REEP1: variants seen among roughly 807,000 people sequenced by gnomAD.
REEP1 encodes the protein receptor expression-enhancing protein 1.
REEP1 carries 22 observed loss-of-function variants against 40.3 expected under a neutral mutation model. The observed-to-expected ratio is 0.55, with a 90% CI of 0.39 to 0.78. The LOEUF is 0.78. Among genes scored for constraint, REEP1 ranks in the 30% least tolerant of loss-of-function variants. The pLI is 0.00. For missense variants in REEP1, 280 were observed against 361.1 expected (o/e 0.78, Z 1.82); for synonymous variants, 116 against 139.2 (o/e 0.83, Z 1.17).
intron 1 of REEP1, among the ~76,000 whole-genome samples, chr2:86,327,854 A>C (rs1463945323): frequency 2.0e-5 from 3 of 152,164 alleles, no homozygotes; most frequent in Non-Finnish European, 4.4e-5. Context: ...GGCATGAGCC[A>C]CCGTGCCTGG....
At chr2:86,239,386 C>T (rs936900654) in intron 5 of REEP1, among the ~76,000 whole-genome samples, 4 of 152,220 alleles carry the variant, frequency 2.6e-5, no homozygotes, top group South Asian at 2.1e-4. Context: ...CAGCAAAGCA[C>T]GAAGTTTAGC....
intron 1 of REEP1, among the ~76,000 whole-genome samples, chr2:86,308,476 G>A (rs762545310): frequency 5.9e-4 from 90 of 152,194 alleles, no homozygotes; most frequent in Non-Finnish European, 1.0e-3. Flanking sequence ...GATCGCTTGA[G>A]CATGGCAGGC....
intron 1 of REEP1, among the ~76,000 whole-genome samples, chr2:86,315,352 C>T (rs1476655376): frequency 3.3e-5 from 5 of 152,214 alleles, no homozygotes; most frequent in Non-Finnish European, 7.4e-5. Flanking sequence ...CTGGCTCCAG[C>T]CCCTGGCTTG....
intron 1 of REEP1, among the ~76,000 whole-genome samples, chr2:86,329,224 G>A (rs1680648698): frequency 1.3e-5 from 2 of 152,172 alleles, no homozygotes; most frequent in Admixed American, 1.3e-4. Context: ...GGAGTTTGGG[G>A]TTTTTATGGA....
intron 5 of REEP1, among the ~76,000 whole-genome samples, chr2:86,234,543 T>A (rs1363392756): frequency 6.6e-6 from 1 of 151,796 alleles, no homozygotes; most frequent in East Asian, 1.9e-4. Context: ...AAGAAAGAAG[T>A]GCCAGACTAA....
At chr2:86,220,442 T>C (rs1447873389) in intron 7 of REEP1, among the ~76,000 whole-genome samples, 1 of 152,190 alleles carries the variant, frequency 6.6e-6, no homozygotes, top group Non-Finnish European at 1.5e-5. Flanking sequence ...GAAGCGGCTT[T>C]AACTGAGACA....
intron 1 of REEP1, among the ~76,000 whole-genome samples, chr2:86,324,150 A>G (rs557059911): frequency 6.6e-6 from 1 of 152,022 alleles, no homozygotes; most frequent in Non-Finnish European, 1.5e-5. Context: ...GAAAAAAAAA[A>G]TGCTGTCTAT....
At chr2:86,296,193 G>T (rs997638684) in intron 1 of REEP1, among the ~76,000 whole-genome samples, 1 of 152,216 alleles carries the variant, frequency 6.6e-6, no homozygotes, top group Non-Finnish European at 1.5e-5. Context: ...AAAGTTACCA[G>T]TATAGCACTC....
At chr2:86,290,611 C>G (rs1224524907) in intron 1 of REEP1, among the ~76,000 whole-genome samples, 1 of 152,196 alleles carries the variant, frequency 6.6e-6, no homozygotes, top group African/African-American at 2.4e-5. Context: ...GCAAAACAAG[C>G]CTTCCCAAAA....
At chr2:86,219,414 CTAGATACTTTACCACTCTCCTA>C (rs1674294974) in intron 8 of REEP1, among the ~76,000 whole-genome samples, 1 of 151,558 alleles carries the variant, frequency 6.6e-6, no homozygotes, top group Admixed American at 6.6e-5. Flanking sequence ...CAATAAAGAC[CTAGATACTTTACCACTCTCCTA>C]TTTGTTTTTC....
intron 1 of REEP1, among the ~76,000 whole-genome samples, chr2:86,299,510 A>G: frequency 6.6e-6 from 1 of 152,178 alleles, no homozygotes; most frequent in Non-Finnish European, 1.5e-5. Flanking sequence ...TGAGCTCCTT[A>G]GAACAAGGGT....
At position 86,233,068 on chromosome 2, in the gene REEP1, A is replaced by G. The variant is rs147865753; in HGVS notation, c.418-266T>C. ...CAGACACCACTATGATGATACGATG[A>G]TACGATGATGATCCGGAGCCTCAGA... On this transcript the variant is annotated intron_variant, in intron 5 of 8. Coordinates refer to ENST00000538924, the MANE Select transcript of REEP1 (RefSeq NM_001371279.1). Among the ~76,000 whole-genome samples, 9 of 152,282 alleles carry G rather than the reference A, an allele frequency of 5.9e-5. No individual in the cohort carries two copies. The East Asian group carries it at 1.7e-3, about 29-fold the overall frequency.
intron 1 of REEP1, among the ~76,000 whole-genome samples, chr2:86,310,639 C>T (rs571458156): frequency 1.3e-5 from 2 of 152,262 alleles, no homozygotes; most frequent in South Asian, 2.1e-4. Context: ...TCAAGTCAAC[C>T]TTCAACCTTT....
intron 1 of REEP1, among the ~76,000 whole-genome samples, chr2:86,332,957 G>A (rs78008907): frequency 0.016 from 2,382 of 152,342 alleles, 49 homozygotes; most frequent in African/African-American, 0.051. Flanking sequence ...TGGCCCAGGT[G>A]GGTGGGAGTT....
chr2:86,329,378 C>A (rs1323115347), intron 1 of REEP1, among the ~76,000 whole-genome samples: 2 of 152,234 alleles, frequency 1.3e-5, no homozygotes, highest in African/African-American at 4.8e-5. Flanking sequence ...CCTCTTCTAT[C>A]CAGTGTTTCC....
chr2:86,247,350 G>T (rs902525242), intron 5 of REEP1, among the ~76,000 whole-genome samples: 1 of 152,124 alleles, frequency 6.6e-6, no homozygotes, highest in African/African-American at 2.4e-5. Flanking sequence ...AATTTCTCAT[G>T]CCTGATGTTT....
chr2:86,258,466 G>A (rs1001595082), intron 3 of REEP1, among the ~76,000 whole-genome samples: 8 of 152,122 alleles, frequency 5.3e-5, no homozygotes, highest in Non-Finnish European at 8.8e-5. Context: ...TGCTGACTCC[G>A]GATTTAAAGC....
intron 1 of REEP1, among the ~76,000 whole-genome samples, chr2:86,287,773 C>T (rs1678472853): frequency 6.6e-6 from 1 of 152,120 alleles, no homozygotes. Flanking sequence ...CTGATACAAT[C>T]CTTTTCCTCC....
chr2:86,275,385 CTCAA>C (rs1291740143), intron 2 of REEP1, among the ~76,000 whole-genome samples: 3 of 152,230 alleles, frequency 2.0e-5, no homozygotes, highest in African/African-American at 7.2e-5. Context: ...CATCTGGGGC[CTCAA>C]TGATTACAGA....
Sources: allele counts gnomAD v4.1 joint callset (sites outside exome capture counted in the v4.1 genomes callset), GRCh38; gene constraint gnomAD v4.1.1; transcripts MANE v1.5; gene names NCBI Gene and HGNC (gene_info 2026-07-23, HGNC 2026-07-21).